The following ASL variants were observed in gnomAD, a reference collection of about 807,000 sequenced individuals.
ASL encodes the protein argininosuccinase.
A neutral mutation model predicts 69.1 loss-of-function variants in ASL; 51 were observed. The observed-to-expected ratio is 0.74, with a 90% CI of 0.59 to 0.93. ASL has a LOEUF of 0.93. ASL is among the 40% of genes least tolerant of loss of function. ASL has a pLI of 0.00. For missense variants in ASL, 540 were observed against 623.9 expected (o/e 0.87, Z 1.43); for synonymous variants, 241 against 247.6 (o/e 0.97, Z 0.25).
intron 4 of ASL, 131 bp from the exon 5 acceptor site, chr7:66,082,749 A>C: frequency 1.8e-6 from 2 of 1,138,296 alleles, no homozygotes; most frequent in Non-Finnish European, 2.6e-6. Context: ...AGAAATGGCG[A>C]GAGATTTGGG....
At chr7:66,089,050 C>A (rs752388478) in intron 11 of ASL, 41 bp from the exon 12 acceptor site, 1 of 1,610,992 alleles carries the variant, frequency 6.2e-7, no homozygotes, top group South Asian at 1.1e-5. Flanking sequence ...CTGGACCAGC[C>A]AAGGGTCCAG....
intron 11 of ASL, 79 bp from the exon 12 acceptor site, chr7:66,089,012 C>G: frequency 1.2e-6 from 2 of 1,609,370 alleles, no homozygotes; most frequent in Non-Finnish European, 1.7e-6. Context: ...CCCGTCCCAC[C>G]CCTCCGCCAG....
At position 66,089,155 on chromosome 7, in the gene ASL, G is replaced by A. The variant is rs1786763547; in HGVS notation, c.898G>A (p.Ala300Thr). The A allele has an allele frequency of 6.2e-7, 1 of 1,614,014 alleles. No homozygotes were observed. Among genetic ancestry groups the A allele is most frequent in the African/African-American group, 1.3e-5 (1 of 75,056 alleles). ...CAGTTTGGAGCTGATCCGGAGCAAG[G>A]CTGGGCGTGTGTTTGGGCGGGTGAG... ...PDSLELIRSK[A>T]GRVFGRCAGL... The change falls in exon 12 of 17, where the codon GCT becomes ACT. Residue 300 changes from alanine to threonine, a missense_variant. By Grantham distance (58) the Ala-to-Thr change is moderately conservative. Transcript: ENST00000304874.
intron 10 of ASL, 70 bp from the exon 11 acceptor site, chr7:66,088,737 T>C: frequency 1.5e-6 from 2 of 1,372,854 alleles, no homozygotes; most frequent in Non-Finnish European, 2.1e-6. Flanking sequence ...CCTAACCTCC[T>C]CCTGCCCCCT....
intron 10 of ASL, among the ~76,000 whole-genome samples, chr7:66,088,308 C>G (rs1013557064): frequency 6.6e-6 from 1 of 151,996 alleles, no homozygotes; most frequent in Admixed American, 6.6e-5. Flanking sequence ...TGGTGAAACC[C>G]CATCTCTACT....
At position 66,087,338 on chromosome 7, in the gene ASL, G is replaced by A. The variant is rs748459510; in HGVS notation, c.607G>A (p.Ala203Thr). 2 of 1,604,770 alleles carry A rather than the reference G, an allele frequency of 1.2e-6. No homozygotes were observed. Among genetic ancestry groups the A allele is most frequent in the African/African-American group, 1.3e-5 (1 of 74,936 alleles). ...RINVLPLGSG[A>T]IAGNPLGVDR... ...CATGAATCCCTGTCCCTGCAGTGGG[G>A]CCATTGCAGGCAATCCCCTGGGTGT... Residue 203 changes from alanine (A) to threonine (T), a missense_variant, in exon 9 of 17, where the codon GCC becomes ACC. Coordinates refer to ENST00000304874, the MANE Select transcript of ASL (RefSeq NM_000048.4).
Position 66,089,344 on chromosome 7 carries a change from C to T in ASL, c.978+9C>T. The T allele has an allele frequency of 6.3e-7, 1 of 1,598,956 alleles. No individual in the cohort carries two copies. Among genetic ancestry groups the T allele is most frequent in the African/African-American group, 1.3e-5 (1 of 74,766 alleles). Reference sequence around the variant, plus strand: ...ACAACAAAGACTTACAGGTGCGAGGCCGGGGGAGGCCTGGCTAGTACGTGC... The same window carrying T: ...ACAACAAAGACTTACAGGTGCGAGGTCGGGGGAGGCCTGGCTAGTACGTGC... On this transcript the variant is annotated intron_variant, in intron 13 of 16. Transcript: ENST00000304874.
intron 11 of ASL, 83 bp downstream of exon 11, chr7:66,089,004 CG>C: frequency 6.2e-7 from 1 of 1,608,050 alleles, no homozygotes; most frequent in South Asian, 1.1e-5. Context: ...CCTTCCTCCC[CG>C]TCCCACCCCT....
rs1786514017 is a variant in ASL at position 66,081,888 on chromosome 7, A to T, written c.98A>T (p.His33Leu). The change falls in exon 3 of 17, where the codon CAC becomes CTC. Residue 33 changes from histidine (H) to leucine (L), a missense_variant. Transcript: ENST00000304874. ...AACGCGTCCATTGCCTACGACCGGCACCTTTGGGAGGTGGATGTTCAAGGC... is the reference window on the plus strand; with the variant it reads ...AACGCGTCCATTGCCTACGACCGGCTCCTTTGGGAGGTGGATGTTCAAGGC... ...KFNASIAYDR[H>L]LWEVDVQGSK... 1 of 1,613,988 alleles carries T rather than the reference A, an allele frequency of 6.2e-7. No individual in the cohort carries two copies. Among genetic ancestry groups the T allele is most frequent in the East Asian group, 2.2e-5 (1 of 44,864 alleles).
chr7:66,087,926 A>G (rs1786718955), intron 10 of ASL, 135 bp downstream of exon 10: 2 of 1,148,276 alleles, frequency 1.7e-6, no homozygotes, highest in East Asian at 2.7e-5. Context: ...TAAACCTTAA[A>G]TGGGTAAAGT....
chr7:66,082,231 T>C, intron 3 of ASL, 137 bp from the exon 4 acceptor site: 1 of 1,093,300 alleles, frequency 9.1e-7, no homozygotes. Context: ...AGATGCCCCC[T>C]CCCAGGGTGC....
rs571362354 is a variant in ASL at position 66,087,725 on chromosome 7, C to T, written c.656-4C>T. ...CTTAGCCCTGCTTCCTCCCACCCCC[C>T]CAGAACTCAACTTTGGGGCCATCAC... On this transcript the variant is annotated splice_region_variant and splice_polypyrimidine_tract_variant and intron_variant, in intron 9 of 16. Transcript: ENST00000304874. The T allele has an allele frequency of 1.4e-5, 22 of 1,614,104 alleles. No individual in the cohort carries two copies. The highest frequency in any genetic ancestry group is 1.8e-5 in the Non-Finnish European group (21 of 1,180,000).
At chr7:66,086,863 C>T (rs570144023) in intron 8 of ASL, 42 bp downstream of exon 8, 2 of 1,543,156 alleles carry the variant, frequency 1.3e-6, no homozygotes, top group East Asian at 4.9e-5. Context: ...GTGGGGGTGG[C>T]TGCTGCATAG....
At position 66,089,670 on chromosome 7, in the gene ASL, C is replaced by T. The variant is rs925782604; in HGVS notation, c.1037C>T (p.Ala346Val). ...ACTATGAGTGCCGTGCTCCAGGTGG[C>T]CACTGGCGTCATCTCTACGCTGCAG... ...SDTMSAVLQV[A>V]TGVISTLQIH... The change falls in exon 14 of 17, where the codon GCC (alanine) becomes GTC (valine). Residue 346 changes from alanine (A) to valine (V), a missense_variant. Transcript: ENST00000304874. 6.2e-7 allele frequency: 1 copy of T among 1,613,854 alleles called. No individual in the cohort carries two copies. Among genetic ancestry groups the T allele is most frequent in the African/African-American group, 1.3e-5 (1 of 75,056 alleles).
intron 2 of ASL, among the ~76,000 whole-genome samples, chr7:66,081,519 G>T (rs895186994): frequency 6.6e-6 from 1 of 151,684 alleles, no homozygotes; most frequent in African/African-American, 2.4e-5. Flanking sequence ...GGCAGAGTTT[G>T]CAGTGAGCTG....
intron 9 of ASL, 141 bp downstream of exon 9, chr7:66,087,527 C>A: frequency 8.7e-7 from 1 of 1,143,450 alleles, no homozygotes; most frequent in Non-Finnish European, 1.3e-6. Context: ...CTGAGGTCAT[C>A]AAGTTCAGGG....
At chr7:66,092,229 G>T in intron 15 of ASL, 143 bp downstream of exon 15, 2 of 933,232 alleles carry the variant, frequency 2.1e-6, no homozygotes, top group Non-Finnish European at 3.3e-6. Context: ...AGGTGGGCGG[G>T]TCACTTGAGG....
intron 2 of ASL, among the ~76,000 whole-genome samples, chr7:66,077,835 C>T (rs566448095): frequency 3.3e-5 from 5 of 152,284 alleles, no homozygotes; most frequent in Admixed American, 2.0e-4. Flanking sequence ...AGTGCCCCAT[C>T]CCCTGGCCCT....
chr7:66,088,210 G>C (rs967058205), intron 10 of ASL, among the ~76,000 whole-genome samples: 9 of 151,820 alleles, frequency 5.9e-5, no homozygotes, highest in Non-Finnish European at 7.4e-5. Flanking sequence ...GCCAGGCATG[G>C]TGGCTCACGC....
Sources: allele counts gnomAD v4.1 joint callset (sites outside exome capture counted in the v4.1 genomes callset), GRCh38; gene constraint gnomAD v4.1.1; transcripts MANE v1.5; gene names NCBI Gene and HGNC (gene_info 2026-07-23, HGNC 2026-07-21).